Variants in SV2B observed in about 807,000 individuals in gnomAD.
The protein encoded by SV2B is solute carrier family 22 member B2.
A neutral mutation model predicts 73.9 loss-of-function variants in SV2B; 41 were observed. That is an observed-to-expected ratio of 0.56 (90% CI 0.43 to 0.72). The LOEUF is 0.72. SV2B is among the 30% of genes least tolerant of loss of function. The pLI, the probability that SV2B is intolerant of heterozygous loss-of-function variation, is 0.00. For synonymous variants in SV2B, 314 were observed against 314.2 expected (o/e 1.00, Z 0.01); for missense variants, 764 against 857.8 (o/e 0.89, Z 1.37).
Position 91,141,177 on chromosome 15 carries a change from G to A in SV2B, c.-392+40814G>A, listed in dbSNP as rs772057834. Among the ~76,000 whole-genome samples, 105 of 152,082 alleles carry A rather than the reference G, an allele frequency of 6.9e-4. No individual in the cohort carries two copies. The highest frequency in any genetic ancestry group is 2.8e-4 in the Non-Finnish European group (19 of 68,006). On this transcript the variant is annotated intron_variant, in intron 1 of 12. Coordinates refer to ENST00000394232, the MANE Select transcript of SV2B (RefSeq NM_001323032.3). The surrounding 1 kb of genome is among the most constrained non-coding windows in gnomAD (Gnocchi z 4.6). ...ACCCCATTCCCACAGGATTTTCTTC[G>A]GTAGGTCTGCATTGAGGCCTGAGAA...
Position 91,268,307 on chromosome 15 carries a change from G to T in SV2B, c.1209-134G>T. The T allele has an allele frequency of 2.2e-6, 2 of 900,426 alleles. No homozygotes were observed. The highest frequency in any genetic ancestry group is 3.3e-6 in the Non-Finnish European group (2 of 612,508). The allele number at this position is 900,426 out of a possible 1,614,324, so 55.8% of individuals were successfully genotyped here. A position where few individuals can be genotyped will look rare whatever the true frequency, so the allele number is the denominator to read the frequency against. On this transcript the variant is annotated intron_variant, in intron 8 of 12. Transcript: ENST00000394232. This position sits in a 1 kb window ranked among gnomAD's most constrained non-coding sequence, Gnocchi z 4.4. ...ATTTATTAATATGAGGATTTATATT[G>T]TCAGATTTTCTAATAATGAACCAAA... is the stretch of plus-strand genomic sequence containing the variant.
intron 1 of SV2B, among the ~76,000 whole-genome samples, chr15:91,138,981 C>A (rs1321140726): frequency 6.6e-6 from 1 of 152,144 alleles, no homozygotes; most frequent in Non-Finnish European, 1.5e-5. Flanking sequence ...TCTGTTTCAA[C>A]AATTAAACCA....
chr15:91,147,302 C>G (rs2043173893), intron 1 of SV2B, among the ~76,000 whole-genome samples: 1 of 152,166 alleles, frequency 6.6e-6, no homozygotes, highest in African/African-American at 2.4e-5. Context: ...TCCTTCTGAC[C>G]TGGGAGTCCT....
chr15:91,221,715 A>ACACT (rs2046225552), intron 1 of SV2B, among the ~76,000 whole-genome samples: 1 of 151,598 alleles, frequency 6.6e-6, no homozygotes, highest in Non-Finnish European at 1.5e-5. Flanking sequence ...ACACACACAC[A>ACACT]CACACACACA....
intron 1 of SV2B, among the ~76,000 whole-genome samples, chr15:91,167,612 G>A (rs986407476): frequency 2.0e-5 from 3 of 152,014 alleles, no homozygotes; most frequent in Non-Finnish European, 4.4e-5. Context: ...TCTTATAGAA[G>A]GGCCCTGTGA....
chr15:91,175,647 A>G lies in SV2B; in HGVS notation c.-391-50226A>G, dbSNP rs185183129. Among the ~76,000 whole-genome samples, 1,005 of 152,080 alleles carry G rather than the reference A, an allele frequency of 6.6e-3. 4 individuals carry two copies. The highest frequency in any genetic ancestry group is 0.011 in the Non-Finnish European group (770 of 67,978). ...AAGTATTTTAAAAGAAGACAGTGCA[A>G]AATTTCTCCATGTCCTTTAGACTCA... On this transcript the variant is annotated intron_variant, in intron 1 of 12. Transcript: ENST00000394232.
chr15:91,237,701 G>C (rs1258581220), intron 2 of SV2B, among the ~76,000 whole-genome samples: 4 of 152,216 alleles, frequency 2.6e-5, no homozygotes, highest in African/African-American at 7.2e-5. Context: ...CTGTGTATCA[G>C]TAGGAGCTGC....
rs113960296 is a variant in SV2B, at chr15:91,129,888, G to A, written c.-392+29525G>A. ...AGAAGAGTACTCATGCGGGGATCTC[G>A]GGAGGGTTAAGTGAGATAATGCATG... On this transcript the variant is annotated intron_variant, in intron 1 of 12. Transcript: ENST00000394232. This position sits in a 1 kb window ranked among gnomAD's most constrained non-coding sequence, Gnocchi z 5.1. Among the ~76,000 whole-genome samples the A allele has an allele frequency of 2.7e-3, 412 of 152,282 alleles. 5 individuals carry two copies. The highest frequency in any genetic ancestry group is 4.7e-3 in the Non-Finnish European group (318 of 68,020).
In SV2B at chr15:91,283,775, T is replaced by C. The variant is rs571613312; in HGVS notation, c.1508-246T>C. Among the ~76,000 whole-genome samples the C allele has an allele frequency of 3.3e-4, 50 of 152,274 alleles. No individual in the cohort carries two copies. The highest frequency in any genetic ancestry group is 1.1e-3 in the African/African-American group (47 of 41,552). On this transcript the variant is annotated intron_variant, in intron 10 of 12. Transcript: ENST00000394232. The surrounding 1 kb of genome is among the most constrained non-coding windows in gnomAD (Gnocchi z 4.3). ...GGCTGAGAGGATGCATTTTGAAGTC[T>C]CTCAATGTTAGTTTAATTTCCCCTT...
rs963940933 is a variant in SV2B at position 91,110,784 on chromosome 15, C to T, written c.-392+10421C>T. ...CCACCCCTAGCACTATGACAAGTGA[C>T]GAACACATCCCACACATGCCAGTGT... On this transcript the variant is annotated intron_variant, in intron 1 of 12. Coordinates refer to ENST00000394232, the MANE Select transcript of SV2B (RefSeq NM_001323032.3). This position sits in a 1 kb window ranked among gnomAD's most constrained non-coding sequence, Gnocchi z 5.4. Among the ~76,000 whole-genome samples, 7 of 152,140 alleles carry T rather than the reference C, an allele frequency of 4.6e-5. No individual in the cohort carries two copies. Among genetic ancestry groups the T allele is most frequent in the East Asian group, 1.9e-4 (1 of 5,198 alleles).
chr15:91,121,934 C>G lies in SV2B; in HGVS notation c.-392+21571C>G, dbSNP rs1398721909. ...GGACTACAGGTGCCTGCCACCACCC[C>G]CAGCTAATTTTTTGTATTTTTAGTA... On this transcript the variant is annotated intron_variant, in intron 1 of 12. Coordinates refer to ENST00000394232, the MANE Select transcript of SV2B (RefSeq NM_001323032.3). This position sits in a 1 kb window ranked among gnomAD's most constrained non-coding sequence, Gnocchi z 4.4. Among the ~76,000 whole-genome samples, 1 of 152,066 alleles carries G rather than the reference C, an allele frequency of 6.6e-6. No individual in the cohort carries two copies. The highest frequency in any genetic ancestry group is 2.4e-5 in the African/African-American group (1 of 41,388).
In SV2B at chr15:91,252,237, C is replaced by G. The variant is rs556714993; in HGVS notation, c.633-132C>G. The G allele has an allele frequency of 5.4e-6, 7 of 1,290,358 alleles. No homozygotes were observed. The highest frequency in any genetic ancestry group is 1.9e-4 in the Middle Eastern group (1 of 5,202). The allele number at this position is 1,290,358 out of a possible 1,614,324, so 79.9% of individuals were successfully genotyped here. ...CTTCCCACATGTAGAGAGGAACTAA[C>G]TGGCCGGTCTCTCAAATTCACTGGG... On this transcript the variant is annotated intron_variant, in intron 3 of 12. Coordinates refer to ENST00000394232, the MANE Select transcript of SV2B (RefSeq NM_001323032.3). The surrounding 1 kb of genome is among the most constrained non-coding windows in gnomAD (Gnocchi z 4.6).
chr15:91,209,282 C>T (rs1378703279), intron 1 of SV2B, among the ~76,000 whole-genome samples: 1 of 151,942 alleles, frequency 6.6e-6, no homozygotes, highest in Non-Finnish European at 1.5e-5. Flanking sequence ...CCACCATGCC[C>T]AGCTAATTTT....
rs1284909726 is a variant in SV2B, at chr15:91,261,413, A to G, written c.1008+1004A>G. On this transcript the variant is annotated intron_variant, in intron 6 of 12. Transcript: ENST00000394232. The surrounding 1 kb of genome is among the most constrained non-coding windows in gnomAD (Gnocchi z 4.7). ...ATAATCATCATTTTAATAAACAGTA[A>G]TGTTACAAACATTAACATGGTTTTC... Among the ~76,000 whole-genome samples, 1 of 152,208 alleles carries G rather than the reference A, an allele frequency of 6.6e-6. No individual in the cohort carries two copies. The highest frequency in any genetic ancestry group is 2.4e-5 in the African/African-American group (1 of 41,452).
rs2049325338 is a variant in SV2B at position 91,298,384 on chromosome 15, G to C, written c.*5832G>C. The C allele has an allele frequency of 6.6e-6, 1 of 152,182 alleles. No homozygotes were observed. Among genetic ancestry groups the C allele is most frequent in the Non-Finnish European group, 1.5e-5 (1 of 68,024 alleles). The allele number at this position is 152,182 out of a possible 1,614,324, so 9.4% of individuals were successfully genotyped here. ...ATCACATAGAGCCTTTGATTGTGAG[G>C]CAGGCTTAAAGTACATTTTGTTTGA... On this transcript the variant is annotated 3_prime_UTR_variant, in exon 13 of 13. Transcript: ENST00000394232. The surrounding 1 kb of genome is among the most constrained non-coding windows in gnomAD (Gnocchi z 5.4).
intron 1 of SV2B, among the ~76,000 whole-genome samples, chr15:91,202,082 TTACTC>T (rs1168960817): frequency 6.6e-6 from 1 of 152,184 alleles, no homozygotes; most frequent in African/African-American, 2.4e-5. Context: ...TTTCTCTTCT[TTACTC>T]AAATGTCACC....
chr15:91,254,298 A>G (rs2047603315), intron 4 of SV2B, among the ~76,000 whole-genome samples: 1 of 146,732 alleles, frequency 6.8e-6, no homozygotes, highest in Admixed American at 6.9e-5. Flanking sequence ...GTGCAGTAGC[A>G]TGATCTCAGT....
chr15:91,148,928 T>C (rs1053443722), intron 1 of SV2B, among the ~76,000 whole-genome samples: 1 of 152,140 alleles, frequency 6.6e-6, no homozygotes. Context: ...GTCCACTAAT[T>C]CAAATGTTAA....
Position 91,115,976 on chromosome 15 carries a change from A to G in SV2B, c.-392+15613A>G, listed in dbSNP as rs1009466463. ...ACCTTAACAGAGTACATGCACACAC[A>G]TACACACACACATAAATATACATAT... is the stretch of plus-strand genomic sequence containing the variant. On this transcript the variant is annotated intron_variant, in intron 1 of 12. Transcript: ENST00000394232. This position sits in a 1 kb window ranked among gnomAD's most constrained non-coding sequence, Gnocchi z 4.3. 2.6e-5 allele frequency among the ~76,000 whole-genome samples: 4 copies of G among 152,162 alleles called. No individual in the cohort carries two copies. Among genetic ancestry groups the G allele is most frequent in the African/African-American group, 9.7e-5 (4 of 41,426 alleles).
Sources: gnomAD v4.1 joint callset for allele counts (sites outside exome capture counted in the v4.1 genomes callset) on GRCh38, gnomAD v4.1.1 for gene constraint, Gnocchi (gnomAD v3.1) non-coding constraint, MANE v1.5 for transcripts, NCBI Gene and HGNC (gene_info 2026-07-23, HGNC 2026-07-21) for gene names.